LDAH: variants seen among roughly 807,000 people sequenced by gnomAD.
LDAH encodes the protein lipid droplet-associated hydrolase.
A neutral mutation model predicts 29.6 loss-of-function variants in LDAH; 26 were observed. That is an observed-to-expected ratio of 0.88 (90% CI 0.64 to 1.22). The LOEUF (loss-of-function observed/expected upper bound fraction) is 1.22, where lower values mean the gene tolerates loss of function less well. LDAH is among the 50% of genes most tolerant of loss of function. The pLI, the probability that LDAH is intolerant of heterozygous loss-of-function variation, is 0.00. For missense variants in LDAH, 344 were observed against 387.3 expected, an observed-to-expected ratio of 0.89 and a Z score of 0.94; for synonymous variants, 117 against 133.0, an observed-to-expected ratio of 0.88 and a Z score of 0.83.
chr2:20,743,280 G>T (rs1290624160), intron 4 of LDAH, among the ~76,000 whole-genome samples: 4 of 146,310 alleles, frequency 2.7e-5, no homozygotes, highest in African/African-American at 5.0e-5. Context: ...CCTAGATTTT[G>T]CAATATCCAT....
chr2:20,791,483 A>G (rs1355861633), intron 2 of LDAH, among the ~76,000 whole-genome samples: 2 of 152,246 alleles, frequency 1.3e-5, no homozygotes, highest in African/African-American at 4.8e-5. Flanking sequence ...GGTAATATAC[A>G]ACGGCCGTAG....
chr2:20,740,258 T>C lies in LDAH; in HGVS notation c.469-53A>G, dbSNP rs572322260. The C allele has an allele frequency of 5.9e-6, 7 of 1,181,050 alleles. No homozygotes were observed. In the African/African-American group the frequency reaches 9.1e-5, roughly 15 times the overall value. The allele number at this position is 1,181,050 out of a possible 1,614,324, so 73.2% of individuals were successfully genotyped here. Reference sequence around the variant, plus strand: ...GAGGTTTTCTTAAAGGATAGGTCCATTACTTATTGTCTCTTCTATATAGTA... The same window carrying C: ...GAGGTTTTCTTAAAGGATAGGTCCACTACTTATTGTCTCTTCTATATAGTA... On this transcript the variant is annotated intron_variant, in intron 4 of 6. Transcript: ENST00000237822.
intron 1 of LDAH, among the ~76,000 whole-genome samples, chr2:20,814,933 A>G (rs977642215): frequency 1.3e-5 from 2 of 152,310 alleles, no homozygotes; most frequent in Non-Finnish European, 2.9e-5. Context: ...GAAAAAAATT[A>G]TGTATGTTCA....
At chr2:20,710,681 T>TAC (rs1225544097) in intron 5 of LDAH, among the ~76,000 whole-genome samples, 1 of 144,082 alleles carries the variant, frequency 6.9e-6, no homozygotes, top group African/African-American at 2.6e-5. Flanking sequence ...TACATATATA[T>TAC]ACACATATAT....
intron 5 of LDAH, among the ~76,000 whole-genome samples, chr2:20,711,731 T>C (rs1029074688): frequency 1.3e-5 from 2 of 152,218 alleles, no homozygotes; most frequent in Non-Finnish European, 2.9e-5. Flanking sequence ...ACCAGAAGAT[T>C]ACATCCTGCG....
At chr2:20,741,866 G>T (rs1411501788) in intron 4 of LDAH, among the ~76,000 whole-genome samples, 1 of 152,126 alleles carries the variant, frequency 6.6e-6, no homozygotes, top group African/African-American at 2.4e-5. Flanking sequence ...CCATTCATCT[G>T]CTGATGGACA....
chr2:20,747,119 C>T (rs915530333), intron 4 of LDAH, among the ~76,000 whole-genome samples: 1 of 151,940 alleles, frequency 6.6e-6, no homozygotes, highest in Non-Finnish European at 1.5e-5. Context: ...GTGGATTGTG[C>T]ACAACCTGTT....
intron 3 of LDAH, among the ~76,000 whole-genome samples, chr2:20,778,477 A>G (rs1183781618): frequency 6.6e-6 from 1 of 152,200 alleles, no homozygotes; most frequent in Non-Finnish European, 1.5e-5. Flanking sequence ...AAATTCCCTT[A>G]TAGCCTCAGA....
Position 20,763,801 on chromosome 2 carries a change from A to G in LDAH, c.468+11009T>C, listed in dbSNP as rs891843997. On this transcript the variant is annotated intron_variant, in intron 4 of 6. Coordinates refer to ENST00000237822, the MANE Select transcript of LDAH (RefSeq NM_021925.4). ...TAAAATGGCTCAATATTTAAATCTG[A>G]AAAGTGTTCAGAAATTCTCAGATGA... 5.9e-5 allele frequency among the ~76,000 whole-genome samples: 9 copies of G among 152,244 alleles called. 1 individual carries two copies. Among genetic ancestry groups the G allele is most frequent in the South Asian group, 4.1e-4 (2 of 4,836 alleles).
chr2:20,791,389 A>G (rs2125074975), intron 2 of LDAH, among the ~76,000 whole-genome samples: 1 of 152,348 alleles, frequency 6.6e-6, no homozygotes, highest in South Asian at 2.1e-4. Flanking sequence ...TCAATGTACA[A>G]AGCATTGTAA....
intron 2 of LDAH, among the ~76,000 whole-genome samples, chr2:20,799,270 G>A (rs1195263926): frequency 6.6e-6 from 1 of 152,092 alleles, no homozygotes; most frequent in Non-Finnish European, 1.5e-5. Flanking sequence ...AAATATCACA[G>A]GAATATACCA....
At chr2:20,813,467 T>C (rs919129753) in intron 1 of LDAH, among the ~76,000 whole-genome samples, 2 of 152,226 alleles carry the variant, frequency 1.3e-5, no homozygotes, top group Non-Finnish European at 2.9e-5. Context: ...GGATATACCA[T>C]AAGTTATATG....
intron 4 of LDAH, among the ~76,000 whole-genome samples, chr2:20,758,864 G>A (rs1383094664): frequency 6.6e-6 from 1 of 152,160 alleles, no homozygotes; most frequent in Non-Finnish European, 1.5e-5. Flanking sequence ...GGGACTGTAA[G>A]GCAAACACAG....
intron 1 of LDAH, among the ~76,000 whole-genome samples, chr2:20,815,395 C>T (rs529675917): frequency 6.6e-6 from 1 of 151,742 alleles, no homozygotes; most frequent in African/African-American, 2.4e-5. Flanking sequence ...GAAAACTTCA[C>T]AATTTGACAA....
At chr2:20,786,532 C>A (rs542076871) in intron 3 of LDAH, among the ~76,000 whole-genome samples, 1 of 152,302 alleles carries the variant, frequency 6.6e-6, no homozygotes, top group Non-Finnish European at 1.5e-5. Context: ...GTATCAGAAA[C>A]TTCAGTTTCC....
At chr2:20,772,907 A>G (rs75676246) in intron 4 of LDAH, among the ~76,000 whole-genome samples, 8,682 of 152,324 alleles carry the variant, frequency 0.057, 345 homozygotes, top group East Asian at 0.15. Flanking sequence ...GCCTTCAGAT[A>G]AAACTGTAGC....
intron 6 of LDAH, among the ~76,000 whole-genome samples, chr2:20,700,590 A>C (rs561846324): frequency 7.4e-4 from 112 of 152,272 alleles, no homozygotes; most frequent in Non-Finnish European, 1.2e-3. Context: ...CTCAGCAGGG[A>C]TCATTTCAGC....
chr2:20,794,876 CT>C (rs1326892467), intron 2 of LDAH, among the ~76,000 whole-genome samples: 3 of 152,096 alleles, frequency 2.0e-5, no homozygotes, highest in Non-Finnish European at 4.4e-5. Context: ...TCACAAAGGT[CT>C]AACTTATAAC....
chr2:20,718,773 AG>A (rs1665429927), intron 5 of LDAH, among the ~76,000 whole-genome samples: 1 of 152,158 alleles, frequency 6.6e-6, no homozygotes, highest in African/African-American at 2.4e-5. Context: ...GTCACCAAAA[AG>A]TCTCAACAAA....
Sources: gnomAD v4.1 joint callset for allele counts (sites outside exome capture counted in the v4.1 genomes callset) on GRCh38, gnomAD v4.1.1 for gene constraint, MANE v1.5 for transcripts, NCBI Gene and HGNC (gene_info 2026-07-23, HGNC 2026-07-21) for gene names.